RNLS: variants seen among roughly 807,000 people sequenced by gnomAD.
RNLS encodes renalase.
RNLS carries 39 observed loss-of-function variants against 39.8 expected under a neutral mutation model. That is an observed-to-expected ratio of 0.98 (90% CI 0.76 to 1.28). The LOEUF (loss-of-function observed/expected upper bound fraction) is 1.28. RNLS is among the 50% of genes most tolerant of loss of function. RNLS has a pLI of 0.00. For missense variants in RNLS, 410 were observed against 413.3 expected (o/e 0.99, Z 0.07); for synonymous variants, 147 against 150.7 (o/e 0.98, Z 0.18).
At chr10:88,547,717 G>A (rs1196119251) in intron 4 of RNLS, among the ~76,000 whole-genome samples, 3 of 152,054 alleles carry the variant, frequency 2.0e-5, no homozygotes, top group Admixed American at 6.6e-5. Context: ...ATTGCATGGG[G>A]ATCATAGTTA....
chr10:88,583,068 C>G lies in RNLS; in HGVS notation c.118+5G>C. 1.9e-6 allele frequency: 3 copies of G among 1,609,950 alleles called. No homozygotes were observed. Among genetic ancestry groups the G allele is most frequent in the Non-Finnish European group, 2.5e-6 (3 of 1,177,554 alleles). ...TTCCCAGGTTTTGGCGTTTAGACAA[C>G]CCACCTGAGTCCTCAGCCTTGTCCC... is the stretch of plus-strand genomic sequence containing the variant. On this transcript the variant is annotated splice_donor_5th_base_variant and intron_variant, in intron 1 of 6. Transcript: ENST00000331772.
chr10:88,411,196 T>C lies in RNLS; in HGVS notation c.527-48471A>G, dbSNP rs142050737. 9.2e-5 allele frequency among the ~76,000 whole-genome samples: 14 copies of C among 152,278 alleles called. No homozygotes were observed. The East Asian group carries it at 1.5e-3, about 17-fold the overall frequency. On this transcript the variant is annotated intron_variant, in intron 4 of 6. Transcript: ENST00000331772. ...GATTACATGTGAGCATTTGATTACATTGAGATTATGTTTTCTTAAATGATA... is the reference window on the plus strand; with the variant it reads ...GATTACATGTGAGCATTTGATTACACTGAGATTATGTTTTCTTAAATGATA...
intron 4 of RNLS, among the ~76,000 whole-genome samples, chr10:88,387,502 CAAAAAAA>C (rs5786817): frequency 6.8e-4 from 48 of 70,124 alleles, no homozygotes; most frequent in African/African-American, 1.1e-3. Context: ...GAGAACAGAG[CAAAAAAA>C]AAAAAAAAAA....
chr10:88,362,224 C>A (rs574244738), intron 5 of RNLS, among the ~76,000 whole-genome samples: 1 of 152,092 alleles, frequency 6.6e-6, no homozygotes, highest in South Asian at 2.1e-4. Flanking sequence ...AAACAAACTT[C>A]ACCAAGAAAC....
Position 88,362,576 on chromosome 10 carries a change from T to C in RNLS, c.676A>G (p.Ile226Val), listed in dbSNP as rs143744963. The change falls in exon 5 of 7, where the codon ATT (isoleucine) becomes GTT (valine). Residue 226 changes from isoleucine to valine, a missense_variant. Ile to Val is a conservative substitution (Grantham distance 29). Transcript: ENST00000331772. Reference sequence around the variant, plus strand: ...CCTATATTGCGCTTCTTATTATCAATGGAGACGAAGCGTATGCAGGGATTA... The same window carrying C: ...CCTATATTGCGCTTCTTATTATCAACGGAGACGAAGCGTATGCAGGGATTA... ...TSNPCIRFVS[I>V]DNKKRNIESS... The C allele has an allele frequency of 4.3e-5, 69 of 1,613,768 alleles. No individual in the cohort carries two copies. In the African/African-American group the frequency reaches 8.5e-4, roughly 20 times the overall value.
At chr10:88,204,948 T>C in the RNLS span, among the ~76,000 whole-genome samples, 2 of 152,100 alleles carry the variant, frequency 1.3e-5, no homozygotes, top group East Asian at 3.8e-4. Flanking sequence ...AAATGAACAA[T>C]TGTAGCACAC....
At chr10:88,458,645 T>A (rs943124277) in intron 4 of RNLS, among the ~76,000 whole-genome samples, 2 of 152,148 alleles carry the variant, frequency 1.3e-5, no homozygotes, top group African/African-American at 4.8e-5. Context: ...CTATCAGCTC[T>A]GAAAAATGGG....
At chr10:88,397,599 A>C (rs1301760357) in intron 4 of RNLS, among the ~76,000 whole-genome samples, 1 of 151,926 alleles carries the variant, frequency 6.6e-6, no homozygotes, top group East Asian at 1.9e-4. Flanking sequence ...AAGAAAGCAG[A>C]AGAAAAAAAA....
At chr10:88,236,453 G>C in the RNLS span, among the ~76,000 whole-genome samples, 5 of 152,114 alleles carry the variant, frequency 3.3e-5, no homozygotes, top group African/African-American at 1.2e-4. Context: ...ATGAAAAGAG[G>C]TTCTTCAACC....
chr10:88,286,016 C>G (rs545215704), intron 6 of RNLS, among the ~76,000 whole-genome samples: 27 of 152,184 alleles, frequency 1.8e-4, no homozygotes, highest in African/African-American at 6.5e-4. Context: ...AGGGCTCTCA[C>G]CAGACACTGG....
chr10:88,392,584 C>T (rs1229446324), intron 4 of RNLS, among the ~76,000 whole-genome samples: 10 of 152,150 alleles, frequency 6.6e-5, no homozygotes, highest in Admixed American at 6.6e-4. Context: ...TCAGAGACTC[C>T]AATGGCCACC....
the RNLS span, among the ~76,000 whole-genome samples, chr10:88,203,387 CACGTAT>C: frequency 6.3e-4 from 4 of 6,328 alleles, 1 homozygote; most frequent in African/African-American, 4.7e-3. Context: ...TATATATATA[CACGTAT>C]GTGTATATAT....
intron 3 of RNLS, among the ~76,000 whole-genome samples, chr10:88,575,163 C>T (rs1185168092): frequency 0.035 from 1,163 of 32,932 alleles, 8 homozygotes; most frequent in Middle Eastern, 0.043. Context: ...TATATATACA[C>T]ACACACACAC....
intron 5 of RNLS, among the ~76,000 whole-genome samples, chr10:88,341,941 T>C (rs1031986089): frequency 6.6e-6 from 1 of 152,184 alleles, no homozygotes; most frequent in African/African-American, 2.4e-5. Flanking sequence ...TAGTTTCTAC[T>C]CACCACATAT....
At chr10:88,529,307 C>T (rs1218144356) in intron 4 of RNLS, among the ~76,000 whole-genome samples, 2 of 152,156 alleles carry the variant, frequency 1.3e-5, no homozygotes, top group Non-Finnish European at 2.9e-5. Flanking sequence ...GGCAGGTTCT[C>T]CCCTGCAAAG....
At chr10:88,296,685 C>CTA (rs1844120743) in intron 6 of RNLS, among the ~76,000 whole-genome samples, 1 of 152,172 alleles carries the variant, frequency 6.6e-6, no homozygotes, top group East Asian at 1.9e-4. Context: ...TTAATTGAAC[C>CTA]TATATACAGT....
At position 88,284,217 on chromosome 10, in the gene RNLS, T is replaced by A. The variant is rs1213275285; in HGVS notation, c.*1137A>T. 1 of 985,222 alleles carries A rather than the reference T, an allele frequency of 1.0e-6. No homozygotes were observed. The highest frequency in any genetic ancestry group is 1.7e-5 in the African/African-American group (1 of 57,216). 61.0% of individuals were successfully genotyped at this position (985,222 alleles called of 1,614,324 possible). ...AGCAAGTTCTGCCTGTGCCTGTGTA[T>A]GTGTATGTATGACAGTGGACATGTA... On this transcript the variant is annotated 3_prime_UTR_variant, in exon 7 of 7. Coordinates refer to ENST00000331772, the MANE Select transcript of RNLS (RefSeq NM_001031709.3).
chr10:88,396,241 A>T (rs972959092), intron 4 of RNLS, among the ~76,000 whole-genome samples: 2 of 152,108 alleles, frequency 1.3e-5, no homozygotes, highest in African/African-American at 4.8e-5. Flanking sequence ...GATTTGAAAG[A>T]CAACTTTAGA....
At chr10:88,358,490 A>G (rs1849377862) in intron 5 of RNLS, among the ~76,000 whole-genome samples, 1 of 152,234 alleles carries the variant, frequency 6.6e-6, no homozygotes, top group South Asian at 2.1e-4. Context: ...TCTTTTCTGT[A>G]GGAATATCCT....
Sources: allele counts gnomAD v4.1 joint callset (sites outside exome capture counted in the v4.1 genomes callset), GRCh38; gene constraint gnomAD v4.1.1; transcripts MANE v1.5; gene names NCBI Gene and HGNC (gene_info 2026-07-23, HGNC 2026-07-21).